TRAPPC8: variants seen among roughly 807,000 people sequenced by gnomAD.
The protein encoded by TRAPPC8 is trafficking protein particle complex subunit 8.
Under a neutral mutation model 174.3 loss-of-function variants are expected in TRAPPC8, and 54 were observed. The observed-to-expected ratio is 0.31, with a 90% confidence interval of 0.25 to 0.39. TRAPPC8 has a LOEUF of 0.39. TRAPPC8 is among the 10% of genes least tolerant of loss of function. TRAPPC8 has a pLI of 1.00. For synonymous variants in TRAPPC8, 630 were observed against 579.9 expected (o/e 1.09, Z -1.24); for missense variants, 1,531 against 1,699.1 (o/e 0.90, Z 1.74).
At chr18:31,938,744 T>G (rs1365545656) in intron 1 of TRAPPC8, among the ~76,000 whole-genome samples, 1 of 152,198 alleles carries the variant, frequency 6.6e-6, no homozygotes, top group East Asian at 1.9e-4. Context: ...GTTGTATTCT[T>G]AAATTACATT....
In TRAPPC8 at chr18:31,894,226, T is replaced by C. The variant is rs78801835; in HGVS notation, c.1597-3360A>G. Among the ~76,000 whole-genome samples, 823 of 152,328 alleles carry C rather than the reference T, an allele frequency of 5.4e-3. 7 individuals are homozygous for C. The highest frequency in any genetic ancestry group is 0.019 in the African/African-American group (792 of 41,562). The stretch of plus-strand genomic sequence containing the variant: ...TATCTTGGTCCAGCTTTATTCTTCA[T>C]TGGACCCTGACTCTTACTGTGACAC... On this transcript the variant is annotated intron_variant, in intron 11 of 28. Transcript: ENST00000283351.
At chr18:31,903,816 AG>A (rs1272870180) in intron 9 of TRAPPC8, among the ~76,000 whole-genome samples, 8 of 152,166 alleles carry the variant, frequency 5.3e-5, no homozygotes, top group Middle Eastern at 3.4e-3. Context: ...GCTTGAGCCC[AG>A]GAATTCAAGA....
intron 4 of TRAPPC8, 117 bp downstream of exon 4, chr18:31,916,155 C>A: frequency 4.4e-6 from 3 of 687,616 alleles, no homozygotes; most frequent in South Asian, 4.1e-5. Flanking sequence ...TAATAAAATT[C>A]ACATTAAACT....
chr18:31,913,590 A>T (rs1348323694), intron 4 of TRAPPC8, 68 bp from the exon 5 acceptor site: 2 of 1,200,874 alleles, frequency 1.7e-6, no homozygotes, highest in Non-Finnish European at 2.2e-6. Flanking sequence ...ATAGAGACTA[A>T]AGTAGTACAA....
chr18:31,937,311 G>A (rs2038149771), intron 1 of TRAPPC8, among the ~76,000 whole-genome samples: 1 of 152,206 alleles, frequency 6.6e-6, no homozygotes, highest in African/African-American at 2.4e-5. Flanking sequence ...CGGGTAAATT[G>A]CTTGAGTCCA....
At chr18:31,887,473 C>T (rs1243531631) in intron 12 of TRAPPC8, among the ~76,000 whole-genome samples, 1 of 151,930 alleles carries the variant, frequency 6.6e-6, no homozygotes, top group Non-Finnish European at 1.5e-5. Flanking sequence ...GGTGAAACCC[C>T]ATCTCTACTA....
intron 26 of TRAPPC8, chr18:31,844,588 A>G (rs2033285205): frequency 6.6e-6 from 1 of 152,152 alleles, no homozygotes; most frequent in Non-Finnish European, 1.5e-5. Context: ...TACTGAATAC[A>G]TTTCTATATA....
At chr18:31,835,698 T>G (rs2032671923) in intron 27 of TRAPPC8, among the ~76,000 whole-genome samples, 1 of 152,248 alleles carries the variant, frequency 6.6e-6, no homozygotes, top group Non-Finnish European at 1.5e-5. Flanking sequence ...CCTTGGTTAC[T>G]GTGGTAACTG....
At chr18:31,914,260 G>A (rs184822641) in intron 4 of TRAPPC8, among the ~76,000 whole-genome samples, 13 of 150,582 alleles carry the variant, frequency 8.6e-5, no homozygotes, top group African/African-American at 2.0e-4. Flanking sequence ...ATGATATTAC[G>A]CACTAAAAAA....
intron 12 of TRAPPC8, among the ~76,000 whole-genome samples, chr18:31,875,754 A>G (rs948512637): frequency 1.3e-5 from 2 of 152,364 alleles, no homozygotes; most frequent in East Asian, 1.9e-4. Context: ...AAGTATTGCA[A>G]TAAGAATGCA....
rs925066572 is a variant in TRAPPC8 at position 31,830,125 on chromosome 18, T to G, written c.*630A>C. On this transcript the variant is annotated 3_prime_UTR_variant, in exon 29 of 29. Coordinates refer to ENST00000283351, the MANE Select transcript of TRAPPC8 (RefSeq NM_014939.5). ...AAAATCGTATTGTGAAATAGCGCAC[T>G]CTATACTGAGATGAATGAGGGGAAA... 6.6e-6 allele frequency: 1 copy of G among 152,648 alleles called. No homozygotes were observed. Among genetic ancestry groups the G allele is most frequent in the Non-Finnish European group, 1.5e-5 (1 of 68,042 alleles). The allele number at this position is 152,648 out of a possible 1,614,324, so 9.5% of individuals were successfully genotyped here.
intron 1 of TRAPPC8, among the ~76,000 whole-genome samples, chr18:31,940,422 G>A (rs1306350967): frequency 2.0e-5 from 3 of 152,014 alleles, no homozygotes; most frequent in Non-Finnish European, 4.4e-5. Flanking sequence ...CCAAGATCGC[G>A]CCACTGCACT....
intron 1 of TRAPPC8, among the ~76,000 whole-genome samples, chr18:31,931,919 T>C (rs2037863099): frequency 6.6e-6 from 1 of 151,874 alleles, no homozygotes; most frequent in Non-Finnish European, 1.5e-5. Context: ...GAAAGGGGAG[T>C]TAAAATGTTG....
intron 16 of TRAPPC8, 121 bp from the exon 17 acceptor site, chr18:31,867,597 T>TAATGATATGGCG: frequency 1.6e-6 from 1 of 641,134 alleles, no homozygotes; most frequent in South Asian, 2.4e-5. Flanking sequence ...ACTTGGTTTT[T>TAATGATATGGCG]ACCACATGCT....
chr18:31,878,178 C>T (rs543810821), intron 12 of TRAPPC8, among the ~76,000 whole-genome samples: 24 of 152,200 alleles, frequency 1.6e-4, no homozygotes, highest in Admixed American at 3.9e-4. Context: ...GCCCTCTGAC[C>T]GGGGCGTGAT....
intron 19 of TRAPPC8, 61 bp from the exon 20 acceptor site, chr18:31,858,043 T>A: frequency 7.2e-7 from 1 of 1,384,660 alleles, no homozygotes. Flanking sequence ...CTCTAATGAA[T>A]AACACTTTAA....
chr18:31,893,026 G>GAAA (rs75962728), intron 11 of TRAPPC8, among the ~76,000 whole-genome samples: 59 of 135,954 alleles, frequency 4.3e-4, no homozygotes, highest in African/African-American at 1.1e-3. Context: ...CAAAAAAAGG[G>GAAA]AAAAAAAAAA....
intron 14 of TRAPPC8, among the ~76,000 whole-genome samples, chr18:31,872,791 T>TTA (rs2034937593): frequency 6.6e-6 from 1 of 152,072 alleles, no homozygotes; most frequent in South Asian, 2.1e-4. Context: ...ATAAAGTACT[T>TTA]TATAAGCACT....
intron 2 of TRAPPC8, among the ~76,000 whole-genome samples, chr18:31,923,516 T>C (rs1013587402): frequency 6.6e-6 from 1 of 152,208 alleles, no homozygotes; most frequent in Non-Finnish European, 1.5e-5. Context: ...ATGAAAAGTA[T>C]GCTGACTCAC....
Sources: allele counts gnomAD v4.1 joint callset (sites outside exome capture counted in the v4.1 genomes callset), GRCh38; gene constraint gnomAD v4.1.1; transcripts MANE v1.5; gene names NCBI Gene and HGNC (gene_info 2026-07-23, HGNC 2026-07-21).